STXBP5L: variants seen among roughly 807,000 people sequenced by gnomAD.
STXBP5L encodes the protein syntaxin binding protein 5L, also known as syntaxin-binding protein 5-like.
STXBP5L carries 65 observed loss-of-function variants against 144.5 expected under a neutral mutation model. That is an observed-to-expected ratio of 0.45 (90% CI 0.37 to 0.55). The LOEUF (loss-of-function observed/expected upper bound fraction) is 0.55, where lower values mean the gene tolerates loss of function less well. STXBP5L is among the 20% of genes least tolerant of loss of function. The pLI, the probability that STXBP5L is intolerant of heterozygous loss-of-function variation, is 0.00. For missense variants in STXBP5L, 1,298 were observed against 1,405.5 expected (o/e 0.92, Z 1.22); for synonymous variants, 505 against 469.6 (o/e 1.08, Z -0.97).
chr3:121,119,102 A>G (rs1468760298), intron 6 of STXBP5L, among the ~76,000 whole-genome samples: 1 of 151,500 alleles, frequency 6.6e-6, no homozygotes, highest in African/African-American at 2.4e-5. Flanking sequence ...TGACTCATAG[A>G]TATATTTTGT....
intron 20 of STXBP5L, among the ~76,000 whole-genome samples, chr3:121,336,734 T>A (rs2044520313): frequency 6.6e-6 from 1 of 152,114 alleles, no homozygotes; most frequent in Non-Finnish European, 1.5e-5. Flanking sequence ...AACATCTGAC[T>A]CAGCAATCCC....
intron 2 of STXBP5L, among the ~76,000 whole-genome samples, chr3:120,942,594 G>A (rs560054657): frequency 6.7e-6 from 1 of 150,210 alleles, no homozygotes; most frequent in African/African-American, 2.4e-5. Context: ...TTTTTTTTTG[G>A]TAATTGCTTA....
intron 7 of STXBP5L, among the ~76,000 whole-genome samples, chr3:121,134,967 T>C (rs902012547): frequency 2.0e-5 from 3 of 151,886 alleles, no homozygotes; most frequent in East Asian, 1.9e-4. Context: ...TCTAGATCCT[T>C]GAGGAATCGC....
chr3:121,271,561 A>G (rs2050735107), intron 18 of STXBP5L, among the ~76,000 whole-genome samples: 1 of 152,194 alleles, frequency 6.6e-6, no homozygotes, highest in Non-Finnish European at 1.5e-5. Context: ...CTAAGAAAAA[A>G]CAAACATTGA....
At chr3:121,301,818 C>G (rs1577400014) in intron 19 of STXBP5L, among the ~76,000 whole-genome samples, 1 of 152,068 alleles carries the variant, frequency 6.6e-6, no homozygotes, top group Non-Finnish European at 1.5e-5. Flanking sequence ...TGGTTTTTGT[C>G]ATTGGTTCTG....
chr3:121,126,485 C>T (rs2044708985), intron 7 of STXBP5L, among the ~76,000 whole-genome samples: 1 of 152,144 alleles, frequency 6.6e-6, no homozygotes, highest in Non-Finnish European at 1.5e-5. Context: ...ATGAATTAAA[C>T]TCTTCCATGC....
chr3:121,328,750 A>C (rs1027804195), intron 20 of STXBP5L, among the ~76,000 whole-genome samples: 1 of 149,556 alleles, frequency 6.7e-6, no homozygotes, highest in Non-Finnish European at 1.5e-5. Flanking sequence ...ACTCTGTCTC[A>C]AAAAAAAAAT....
At chr3:121,017,930 AT>A (rs1945258467) in intron 3 of STXBP5L, among the ~76,000 whole-genome samples, 2 of 152,070 alleles carry the variant, frequency 1.3e-5, no homozygotes. Flanking sequence ...AACCAAAAAA[AT>A]AGCCATGTGT....
intron 2 of STXBP5L, among the ~76,000 whole-genome samples, chr3:120,916,168 A>G (rs1709091079): frequency 6.6e-6 from 1 of 152,200 alleles, no homozygotes; most frequent in Admixed American, 6.5e-5. Flanking sequence ...CAAAATTACC[A>G]GTTAATATTG....
intron 3 of STXBP5L, among the ~76,000 whole-genome samples, chr3:121,024,117 T>G (rs911526121): frequency 3.3e-5 from 5 of 152,090 alleles, no homozygotes; most frequent in Non-Finnish European, 5.9e-5. Flanking sequence ...AAGACACTCT[T>G]AAAGGAATCA....
At chr3:121,113,688 T>TG (rs1178982551) in intron 5 of STXBP5L, among the ~76,000 whole-genome samples, 4 of 149,338 alleles carry the variant, frequency 2.7e-5, no homozygotes, top group Non-Finnish European at 5.9e-5. Flanking sequence ...TTTTTTTTTT[T>TG]TTGTGACACA....
chr3:121,283,868 T>C (rs1025356519), intron 19 of STXBP5L, among the ~76,000 whole-genome samples: 2 of 150,688 alleles, frequency 1.3e-5, no homozygotes, highest in Non-Finnish European at 3.0e-5. Context: ...CTTCTGAAGG[T>C]AGGATCTCCT....
intron 7 of STXBP5L, among the ~76,000 whole-genome samples, chr3:121,138,649 G>C (rs76954107): frequency 0.019 from 2,922 of 152,054 alleles, 89 homozygotes; most frequent in African/African-American, 0.066. Context: ...CCAAAAGCTT[G>C]CAATAAAGAA....
intron 22 of STXBP5L, 152 bp from the exon 23 acceptor site, chr3:121,407,091 A>T: frequency 2.2e-6 from 2 of 930,100 alleles, no homozygotes; most frequent in Non-Finnish European, 3.0e-6. Flanking sequence ...CCAACTTATT[A>T]TAACAGATGA....
At chr3:120,997,830 C>G (rs1943469495) in intron 3 of STXBP5L, among the ~76,000 whole-genome samples, 1 of 151,976 alleles carries the variant, frequency 6.6e-6, no homozygotes, top group Non-Finnish European at 1.5e-5. Flanking sequence ...GAAATATAAG[C>G]AAATGAAATA....
intron 3 of STXBP5L, among the ~76,000 whole-genome samples, chr3:121,024,668 GTTAAT>G (rs1377551023): frequency 1.3e-5 from 2 of 152,044 alleles, no homozygotes; most frequent in Non-Finnish European, 2.9e-5. Context: ...AATGTCATTT[GTTAAT>G]TTAATTTGCA....
chr3:121,239,151 T>C (rs940417668), intron 13 of STXBP5L, 33 bp downstream of exon 13: 2 of 1,276,660 alleles, frequency 1.6e-6, no homozygotes, highest in African/African-American at 3.1e-5. Flanking sequence ...ACTTTTTTTG[T>C]ATTCATATCA....
At chr3:121,198,941 T>C (rs2048028211) in intron 9 of STXBP5L, among the ~76,000 whole-genome samples, 1 of 152,220 alleles carries the variant, frequency 6.6e-6, no homozygotes, top group African/African-American at 2.4e-5. Context: ...TTTGTTCTTT[T>C]TGCTTAGGAG....
intron 20 of STXBP5L, among the ~76,000 whole-genome samples, chr3:121,368,896 C>A (rs756619471): frequency 1.3e-5 from 2 of 152,088 alleles, no homozygotes; most frequent in Non-Finnish European, 2.9e-5. Flanking sequence ...AGCTTTAAAT[C>A]CCTTGGAAGT....
Sources: gnomAD v4.1 joint callset for allele counts (sites outside exome capture counted in the v4.1 genomes callset) on GRCh38, gnomAD v4.1.1 for gene constraint, MANE v1.5 for transcripts, NCBI Gene and HGNC (gene_info 2026-07-23, HGNC 2026-07-21) for gene names.